Variants in ZFYVE1 observed in about 807,000 individuals in gnomAD.
ZFYVE1 encodes zinc finger FYVE domain-containing protein 1.
In ZFYVE1, 30 loss-of-function variants were observed where a neutral mutation model predicts 74.4. The ratio of observed to expected loss-of-function variants is 0.40; its 90% CI spans 0.30 to 0.55. The LOEUF is 0.55. ZFYVE1 is among the 20% of genes least tolerant of loss of function. The probability of loss-of-function intolerance (pLI) is 0.42; values close to 1 mark genes in which losing one functional copy is unlikely to be tolerated. For synonymous variants in ZFYVE1, 335 were observed against 385.1 expected (o/e 0.87, Z 1.52); for missense variants, 703 against 1,011.6 (o/e 0.69, Z 4.14).
At chr14:72,988,357 C>T (rs1352399695) in intron 4 of ZFYVE1, among the ~76,000 whole-genome samples, 1 of 151,752 alleles carries the variant, frequency 6.6e-6, no homozygotes, top group African/African-American at 2.4e-5. Flanking sequence ...GTATTTTTCA[C>T]AGAGATGGGG....
rs1893007513 is a variant in ZFYVE1 at position 72,970,630 on chromosome 14, T to C, written c.*252A>G. ...AGATATACACATATATATTCATTAT[T>C]TTTAACTGAAATAAATGCAACGGAT... On this transcript the variant is annotated 3_prime_UTR_variant, in exon 12 of 12. Transcript: ENST00000556143. 1 of 554,820 alleles carries C rather than the reference T, an allele frequency of 1.8e-6. No individual in the cohort carries two copies. The highest frequency in any genetic ancestry group is 3.2e-6 in the Non-Finnish European group (1 of 309,210). 34.4% of individuals were successfully genotyped at this position (554,820 alleles called of 1,614,324 possible).
At chr14:72,976,367 G>A (rs780471570) in intron 8 of ZFYVE1, among the ~76,000 whole-genome samples, 1 of 152,080 alleles carries the variant, frequency 6.6e-6, no homozygotes, top group Non-Finnish European at 1.5e-5. Flanking sequence ...TCGCTATAAG[G>A]CCACGTTAAA....
At position 72,998,025 on chromosome 14, in the gene ZFYVE1, G is replaced by A. The variant is rs1893787736; in HGVS notation, c.774C>T (p.Ala258=). 1.2e-6 allele frequency: 2 copies of A among 1,614,076 alleles called. No individual in the cohort carries two copies. The highest frequency in any genetic ancestry group is 8.5e-7 in the Non-Finnish European group (1 of 1,180,002). Residue 258 remains alanine (A), a synonymous_variant, in exon 3 of 12, where the codon GCC becomes GCT. Coordinates refer to ENST00000556143, the MANE Select transcript of ZFYVE1 (RefSeq NM_021260.4). ...TTCGATAGATGACGAGGTCTGAGAT[G>A]GCCAGGACCTTAAGCAGCAGCCGTG... The part of the protein sequence containing the change: ...QRTRLLLKVL[A]ISDLVIYRTH...
chr14:72,998,573 C>CA (rs1012829958), intron 2 of ZFYVE1, among the ~76,000 whole-genome samples: 5 of 151,082 alleles, frequency 3.3e-5, no homozygotes, highest in East Asian at 1.9e-4. Context: ...AAGAAAAAAA[C>CA]AAAAAAAAGG....
chr14:72,999,242 A>G (rs1385604422), intron 2 of ZFYVE1, among the ~76,000 whole-genome samples: 1 of 152,204 alleles, frequency 6.6e-6, no homozygotes, highest in Non-Finnish European at 1.5e-5. Flanking sequence ...CAGCCTGACC[A>G]ACATGGACAA....
At chr14:72,992,625 C>A (rs977571521) in intron 4 of ZFYVE1, among the ~76,000 whole-genome samples, 1 of 107,758 alleles carries the variant, frequency 9.3e-6, no homozygotes, top group Non-Finnish European at 2.0e-5. Context: ...GCCCCCCCCG[C>A]CCCTTGCAAG....
chr14:72,974,326 G>A (rs1056332402), intron 10 of ZFYVE1, 133 bp from the exon 11 acceptor site: 2 of 818,788 alleles, frequency 2.4e-6, no homozygotes, highest in South Asian at 1.6e-5. Flanking sequence ...TACTGCAAGG[G>A]TCTGTGCTGT....
rs574661890 is a variant in ZFYVE1 at position 73,017,302 on chromosome 14, G to A, written c.483+6724C>T. Among the ~76,000 whole-genome samples, 9 of 152,132 alleles carry A rather than the reference G, an allele frequency of 5.9e-5. No individual in the cohort carries two copies. The South Asian group carries it at 1.2e-3, about 21-fold the overall frequency. Reference sequence around the variant, plus strand: ...ATACCACCAGATAACTCCTTCTGTCGGGGCTGCCCTATGTCCTGCCTGTGG... The same window carrying A: ...ATACCACCAGATAACTCCTTCTGTCAGGGCTGCCCTATGTCCTGCCTGTGG... On this transcript the variant is annotated intron_variant, in intron 2 of 11. Transcript: ENST00000556143.
chr14:72,985,419 G>C (rs1404615189), intron 4 of ZFYVE1, among the ~76,000 whole-genome samples: 1 of 152,038 alleles, frequency 6.6e-6, no homozygotes. Context: ...TGCAACCTCT[G>C]CCTCCTGGTT....
chr14:73,005,610 T>A lies in ZFYVE1; in HGVS notation c.484-7295A>T, dbSNP rs78175442. Among the ~76,000 whole-genome samples the A allele has an allele frequency of 2.4e-3, 362 of 152,226 alleles. 7 individuals carry two copies. The East Asian group carries it at 0.055, about 23-fold the overall frequency. ...GGCCTTGGGAAAGTTACTTAACTAC[T>A]CAACACCTCAGGGAAATGAGATAAT... On this transcript the variant is annotated intron_variant, in intron 2 of 11. Transcript: ENST00000556143.
rs750032290 is a variant in ZFYVE1, at chr14:72,974,107, C to T, written c.2074G>A (p.Val692Met). The change falls in exon 11 of 12, where the codon GTG becomes ATG. Residue 692 changes from valine to methionine, a missense_variant. Transcript: ENST00000556143. ...GEAVQNTLGA[V>M]VTAIDIPLGL... Reference sequence around the variant, plus strand: ...AGTGGTATGTCAATGGCTGTCACCACGGCTCCCAGAGTGTTCTGCACGGCC... The same window carrying T: ...AGTGGTATGTCAATGGCTGTCACCATGGCTCCCAGAGTGTTCTGCACGGCC... 21 of 1,613,978 alleles carry T rather than the reference C, an allele frequency of 1.3e-5. No individual in the cohort carries two copies. In the Admixed American group the frequency reaches 1.5e-4, roughly 12 times the overall value.
chr14:72,981,960 C>A (rs1185850498), intron 4 of ZFYVE1, 65 bp from the exon 5 acceptor site: 2 of 1,385,934 alleles, frequency 1.4e-6, no homozygotes, highest in African/African-American at 2.8e-5. Context: ...TGGCCCCCCA[C>A]TGCAGGCACC....
At chr14:72,984,553 G>T (rs1407153670) in intron 4 of ZFYVE1, among the ~76,000 whole-genome samples, 1 of 151,926 alleles carries the variant, frequency 6.6e-6, no homozygotes, top group East Asian at 1.9e-4. Flanking sequence ...TTGAAAACAT[G>T]AAGATCTTGA....
intron 10 of ZFYVE1, 95 bp downstream of exon 10, chr14:72,974,684 G>A (rs1893119744): frequency 6.9e-7 from 1 of 1,449,050 alleles, no homozygotes; most frequent in Non-Finnish European, 9.3e-7. Flanking sequence ...CAAGGGAGAT[G>A]TGGATTAGGG....
chr14:72,977,245 T>A (rs1893196977), intron 8 of ZFYVE1, among the ~76,000 whole-genome samples: 2 of 152,076 alleles, frequency 1.3e-5, no homozygotes, highest in African/African-American at 4.8e-5. Context: ...CTGTCTTTAC[T>A]GAAAATACAA....
intron 4 of ZFYVE1, among the ~76,000 whole-genome samples, chr14:72,988,517 GC>G (rs1893535553): frequency 6.6e-6 from 1 of 151,454 alleles, no homozygotes; most frequent in South Asian, 2.1e-4. Context: ...TTTAAAATAG[GC>G]ATTTCGGGCC....
At chr14:73,000,139 C>T (rs1893838446) in intron 2 of ZFYVE1, among the ~76,000 whole-genome samples, 1 of 152,080 alleles carries the variant, frequency 6.6e-6, no homozygotes, top group African/African-American at 2.4e-5. Context: ...TCTTACAACT[C>T]AACAATGAAG....
intron 2 of ZFYVE1, among the ~76,000 whole-genome samples, chr14:73,008,252 C>CGGGTGCA (rs1408936957): frequency 6.6e-6 from 1 of 152,198 alleles, no homozygotes; most frequent in Non-Finnish European, 1.5e-5. Flanking sequence ...CTCTGCCTCC[C>CGGGTGCA]GGGTGCAAGT....
rs1274134175 is a variant in ZFYVE1 at position 73,024,167 on chromosome 14, C to T, written c.342G>A (p.Arg114=). 6.2e-7 allele frequency: 1 copy of T among 1,614,036 alleles called. No individual in the cohort carries two copies. Among genetic ancestry groups the T allele is most frequent in the Non-Finnish European group, 8.5e-7 (1 of 1,180,052 alleles). The part of the protein sequence containing the change: ...QKRTHSGGNK[R]RHPVTVYNVS... ...CATTGTACACAGTAACAGGGTGTCTCCTTTTGTTACCCCCAGAATGAGTCC... is the reference window on the plus strand; with the variant it reads ...CATTGTACACAGTAACAGGGTGTCTTCTTTTGTTACCCCCAGAATGAGTCC... Residue 114 remains arginine (R), a synonymous_variant, in exon 2 of 12, where the codon AGG becomes AGA. Transcript: ENST00000556143.
Sources: allele counts gnomAD v4.1 joint callset (sites outside exome capture counted in the v4.1 genomes callset), GRCh38; gene constraint gnomAD v4.1.1; transcripts MANE v1.5; gene names NCBI Gene and HGNC (gene_info 2026-07-23, HGNC 2026-07-21).